Variants in TAMALIN observed in about 807,000 individuals in gnomAD.
TAMALIN encodes the protein protein TAMALIN.
In TAMALIN, 9 loss-of-function variants were observed where a neutral mutation model predicts 38.5. That is an observed-to-expected ratio of 0.23 (90% CI 0.14 to 0.41). TAMALIN has a LOEUF of 0.41. Among genes scored for constraint, TAMALIN ranks in the 10% least tolerant of loss-of-function variants. The pLI is 1.00. For missense variants in TAMALIN, 548 were observed against 554.1 expected, an observed-to-expected ratio of 0.99 and a Z score of 0.11; for synonymous variants, 306 against 256.5, an observed-to-expected ratio of 1.19 and a Z score of -1.85.
In TAMALIN at chr12:52,015,446, C is replaced by G; in HGVS notation, c.*247C>G. 1 of 471,212 alleles carries G rather than the reference C, an allele frequency of 2.1e-6. No individual in the cohort carries two copies. Among genetic ancestry groups the G allele is most frequent in the Non-Finnish European group, 3.8e-6 (1 of 264,200 alleles). The allele number at this position is 471,212 out of a possible 1,614,324, so 29.2% of individuals were successfully genotyped here. A position where few individuals can be genotyped will look rare whatever the true frequency, so the allele number is the denominator to read the frequency against. ...GGGGGAGAGCCAGGCAATCGGGGGCCAAAGATGGGGGTGCTCGCCTACAGT... is the reference window on the plus strand; with the variant it reads ...GGGGGAGAGCCAGGCAATCGGGGGCGAAAGATGGGGGTGCTCGCCTACAGT... On this transcript the variant is annotated 3_prime_UTR_variant, in exon 8 of 8. Transcript: ENST00000293662.
rs771771030 is a variant in TAMALIN, at chr12:52,014,698, G to C, written c.687G>C (p.Leu229=). The C allele has an allele frequency of 1.3e-6, 2 of 1,499,538 alleles. No individual in the cohort carries two copies. Among genetic ancestry groups the C allele is most frequent in the Non-Finnish European group, 8.8e-7 (1 of 1,138,542 alleles). The allele number at this position is 1,499,538 out of a possible 1,614,324, so 92.9% of individuals were successfully genotyped here. A position where few individuals can be genotyped will look rare whatever the true frequency, so the allele number is the denominator to read the frequency against. The change falls in exon 8 of 8, where the codon CTG becomes CTC. Residue 229 remains leucine, a synonymous_variant. Transcript: ENST00000293662. ...ACCTCTCCCGTCTCTGCGCAGGCCT[G>C]GTGGTGAAGGACCCCAGCATCTACG... ...MVQEQRLVHG[L]VVKDPSIYDT... is the part of the protein sequence containing the mutation.
chr12:52,011,365 T>C lies in TAMALIN; in HGVS notation c.454+224T>C. 1.5e-6 allele frequency: 1 copy of C among 681,962 alleles called. No homozygotes were observed. The allele number at this position is 681,962 out of a possible 1,614,324, so 42.2% of individuals were successfully genotyped here. The stretch of plus-strand genomic sequence containing the variant: ...TCTACAAAATGAGGGTAATAATGCA[T>C]CCAAACATCACAGTGCGGCAAGGGG... On this transcript the variant is annotated intron_variant, in intron 4 of 7. Transcript: ENST00000293662. This position sits in a 1 kb window ranked among gnomAD's most constrained non-coding sequence, Gnocchi z 5.3.
chr12:52,015,072 A>G lies in TAMALIN; in HGVS notation c.1061A>G (p.Glu354Gly). ...GGGAPGALWTEAREQALCGPG... is the reference protein window; with the variant it reads ...GGGAPGALWTGAREQALCGPG... ...GGCGCGCCGGGCGCGCTCTGGACTG[A>G]GGCTCGCGAGCAGGCCCTATGCGGC... is the stretch of plus-strand genomic sequence containing the variant. The change falls in exon 8 of 8, where the codon GAG becomes GGG. Residue 354 changes from glutamate to glycine, a missense_variant. By Grantham distance (98) the Glu-to-Gly change is moderately conservative. Transcript: ENST00000293662. 2 of 1,495,240 alleles carry G rather than the reference A, an allele frequency of 1.3e-6. No individual in the cohort carries two copies. The highest frequency in any genetic ancestry group is 8.8e-7 in the Non-Finnish European group (1 of 1,130,496). 92.6% of individuals were successfully genotyped at this position (1,495,240 alleles called of 1,614,324 possible).
rs1592274080 is a variant in TAMALIN at position 52,014,158 on chromosome 12, A to C, written c.639A>C (p.Gly213=). The C allele has an allele frequency of 6.2e-7, 1 of 1,604,726 alleles. No homozygotes were observed. The highest frequency in any genetic ancestry group is 2.2e-5 in the East Asian group (1 of 44,616). Residue 213 remains glycine, a synonymous_variant, in exon 7 of 8, where the codon GGA becomes GGC. Transcript: ENST00000293662. ...AGCAAACCCTGTATGAGAAGTGGGG[A>C]GAGTACAGGTCCCTAATGGTGCAGG... ...YLKQTLYEKW[G]EYRSLMVQEQ...
At position 52,011,194 on chromosome 12, in the gene TAMALIN, C is replaced by T. The variant is rs1168889819; in HGVS notation, c.454+53C>T. On this transcript the variant is annotated intron_variant, in intron 4 of 7. Transcript: ENST00000293662. This position sits in a 1 kb window ranked among gnomAD's most constrained non-coding sequence, Gnocchi z 5.3. ...TCTGGGAAGGGGATATGACCTTACT[C>T]CCAAGCAAAGGGGGTGAGCAATCTC... is the stretch of plus-strand genomic sequence containing the variant. 3.1e-6 allele frequency: 5 copies of T among 1,603,262 alleles called. No individual in the cohort carries two copies. Among genetic ancestry groups the T allele is most frequent in the Non-Finnish European group, 4.2e-6 (5 of 1,179,710 alleles).
intron 7 of TAMALIN, 94 bp from the exon 8 acceptor site, chr12:52,014,600 G>A: frequency 1.1e-6 from 1 of 943,674 alleles, no homozygotes; most frequent in Non-Finnish European, 1.5e-6. Flanking sequence ...CAGCAGGACG[G>A]AGCGGGGACG....
chr12:52,011,918 C>T lies in TAMALIN; in HGVS notation c.454+777C>T. On this transcript the variant is annotated intron_variant, in intron 4 of 7. Transcript: ENST00000293662. The surrounding 1 kb of genome is among the most constrained non-coding windows in gnomAD (Gnocchi z 5.3). ...CTTACCAGCAGCCCGTGCTAGCTAT[C>T]TTAGTCCATTTTCTGTTACCATAAC... 6.6e-6 allele frequency among the ~76,000 whole-genome samples: 1 copy of T among 152,184 alleles called. No homozygotes were observed. Among genetic ancestry groups the T allele is most frequent in the Non-Finnish European group, 1.5e-5 (1 of 68,042 alleles).
chr12:52,012,581 C>G (rs1462695227), intron 4 of TAMALIN, among the ~76,000 whole-genome samples: 1 of 152,212 alleles, frequency 6.6e-6, no homozygotes, highest in African/African-American at 2.4e-5. Context: ...GTCCTACCAT[C>G]TCTCAGCACT....
Position 52,007,239 on chromosome 12 carries a change from T to C in TAMALIN, c.220T>C (p.Ser74Pro). Residue 74 changes from serine (S) to proline (P), a missense_variant, in exon 1 of 8, where the codon TCC (serine) becomes CCC (proline). Physicochemically the swap from Ser to Pro is moderately conservative, Grantham distance 74. Coordinates refer to ENST00000293662, the MANE Select transcript of TAMALIN (RefSeq NM_181711.4). The surrounding 1 kb of genome is among the most constrained non-coding windows in gnomAD (Gnocchi z 6.7). ...CGAGCTGTACCGCGCGCTCGCCGTG[T>C]CCGGGGGCACCCTGCCCCGCCGAAA... ...PAELYRALAV[S>P]GGTLPRRKGS... 1 of 1,418,094 alleles carries C rather than the reference T, an allele frequency of 7.1e-7. No individual in the cohort carries two copies. Among genetic ancestry groups the C allele is most frequent in the Non-Finnish European group, 9.2e-7 (1 of 1,090,260 alleles). 87.8% of individuals were successfully genotyped at this position (1,418,094 alleles called of 1,614,324 possible). A position where few individuals can be genotyped will look rare whatever the true frequency, so the allele number is the denominator to read the frequency against.
At position 52,015,053 on chromosome 12, in the gene TAMALIN, C is replaced by G; in HGVS notation, c.1042C>G (p.Pro348Ala). 1 of 1,379,148 alleles carries G rather than the reference C, an allele frequency of 7.3e-7. No homozygotes were observed. The highest frequency in any genetic ancestry group is 9.3e-7 in the Non-Finnish European group (1 of 1,075,140). The allele number at this position is 1,379,148 out of a possible 1,614,324, so 85.4% of individuals were successfully genotyped here. The change falls in exon 8 of 8, where the codon CCG becomes GCG. Residue 348 changes from proline (P) to alanine (A), a missense_variant. By Grantham distance (27) the Pro-to-Ala change is conservative. Around this residue, in one of 3 missense-constraint regions of TAMALIN, gnomAD observed 415 missense variants for 417.0 expected, o/e 1.00. Coordinates refer to ENST00000293662, the MANE Select transcript of TAMALIN (RefSeq NM_181711.4). ...TGGCGGGGGCGGAGGCGGGGGCGCG[C>G]CGGGCGCGCTCTGGACTGAGGCTCG... ...GPGGGGGGGA[P>A]GALWTEAREQ...
chr12:52,007,860 C>T lies in TAMALIN; in HGVS notation c.246+595C>T, dbSNP rs563486471. On this transcript the variant is annotated intron_variant, in intron 1 of 7. Coordinates refer to ENST00000293662, the MANE Select transcript of TAMALIN (RefSeq NM_181711.4). This position sits in a 1 kb window ranked among gnomAD's most constrained non-coding sequence, Gnocchi z 6.7. ...TCCCTGGACTTCTGTCGGAACCGGA[C>T]GCAGTGGGAGGGGTCGCAGGGCGCC... is the stretch of plus-strand genomic sequence containing the variant. The T allele has an allele frequency of 2.0e-5, 20 of 985,294 alleles. No homozygotes were observed. The highest frequency in any genetic ancestry group is 2.2e-5 in the Non-Finnish European group (18 of 829,926). 61.0% of individuals were successfully genotyped at this position (985,294 alleles called of 1,614,324 possible).
chr12:52,011,422 A>C lies in TAMALIN; in HGVS notation c.454+281A>C. On this transcript the variant is annotated intron_variant, in intron 4 of 7. Coordinates refer to ENST00000293662, the MANE Select transcript of TAMALIN (RefSeq NM_181711.4). This position sits in a 1 kb window ranked among gnomAD's most constrained non-coding sequence, Gnocchi z 5.3. ...TGGGCACACTGCCAGGGCCTAATTA[A>C]TGGTGGATGATGCTGCTGCTGCTCT... is the stretch of plus-strand genomic sequence containing the variant. 1 of 589,148 alleles carries C rather than the reference A, an allele frequency of 1.7e-6. No individual in the cohort carries two copies. Among genetic ancestry groups the C allele is most frequent in the East Asian group, 2.8e-5 (1 of 35,422 alleles). 36.5% of individuals were successfully genotyped at this position (589,148 alleles called of 1,614,324 possible). A position where few individuals can be genotyped will look rare whatever the true frequency, so the allele number is the denominator to read the frequency against.
In TAMALIN at chr12:52,007,706, A is replaced by T. The variant is rs1942438023; in HGVS notation, c.246+441A>T. ...CGGTGGCTGCGCCGCGTGCGTTCTC[A>T]CTCTGAGGAAGTGCGTGGGGAGCCG... is the stretch of plus-strand genomic sequence containing the variant. On this transcript the variant is annotated intron_variant, in intron 1 of 7. Coordinates refer to ENST00000293662, the MANE Select transcript of TAMALIN (RefSeq NM_181711.4). The surrounding 1 kb of genome is among the most constrained non-coding windows in gnomAD (Gnocchi z 6.7). 2.0e-6 allele frequency: 2 copies of T among 984,276 alleles called. No homozygotes were observed. The highest frequency in any genetic ancestry group is 9.4e-5 in the South Asian group (2 of 21,228). 61.0% of individuals were successfully genotyped at this position (984,276 alleles called of 1,614,324 possible).
At chr12:52,013,827 G>A (rs1565631940) in intron 5 of TAMALIN, 47 bp downstream of exon 5, 5 of 1,612,622 alleles carry the variant, frequency 3.1e-6, no homozygotes, top group Non-Finnish European at 4.2e-6. Flanking sequence ...TCAGCCTCTT[G>A]GTATTTCCTC....
At chr12:52,009,356 T>A in intron 2 of TAMALIN, 117 bp downstream of exon 2, 1 of 971,770 alleles carries the variant, frequency 1.0e-6, no homozygotes, top group East Asian at 2.5e-5. Context: ...CCTTTAAACA[T>A]GGCTCCCCCG....
intron 7 of TAMALIN, 189 bp downstream of exon 7, chr12:52,014,390 A>G: frequency 1.6e-6 from 1 of 638,034 alleles, no homozygotes; most frequent in Non-Finnish European, 2.8e-6. Flanking sequence ...TTCTCACACT[A>G]GCCCTCTGCA....
intron 1 of TAMALIN, chr12:52,008,667 G>A (rs1942453094): frequency 1.0e-6 from 1 of 985,378 alleles, no homozygotes; most frequent in Non-Finnish European, 1.2e-6. Flanking sequence ...TCGGGACAGG[G>A]TCCCTGACCC....
In TAMALIN at chr12:52,015,451, A is replaced by C; in HGVS notation, c.*252A>C. The C allele has an allele frequency of 4.7e-5, 21 of 442,896 alleles. No homozygotes were observed. Among genetic ancestry groups the C allele is most frequent in the East Asian group, 1.4e-4 (3 of 21,206 alleles). The allele number at this position is 442,896 out of a possible 1,614,324, so 27.4% of individuals were successfully genotyped here. A position where few individuals can be genotyped will look rare whatever the true frequency, so the allele number is the denominator to read the frequency against. ...AGAGCCAGGCAATCGGGGGCCAAAGATGGGGGTGCTCGCCTACAGTCTGCA... is the reference window on the plus strand; with the variant it reads ...AGAGCCAGGCAATCGGGGGCCAAAGCTGGGGGTGCTCGCCTACAGTCTGCA... On this transcript the variant is annotated 3_prime_UTR_variant, in exon 8 of 8. Coordinates refer to ENST00000293662, the MANE Select transcript of TAMALIN (RefSeq NM_181711.4).
Position 52,014,909 on chromosome 12 carries a change from C to T in TAMALIN, c.898C>T (p.Pro300Ser), listed in dbSNP as rs1937758697. 8.9e-7 allele frequency: 1 copy of T among 1,123,122 alleles called. No individual in the cohort carries two copies. Among genetic ancestry groups the T allele is most frequent in the East Asian group, 6.4e-5 (1 of 15,576 alleles). 69.6% of individuals were successfully genotyped at this position (1,123,122 alleles called of 1,614,324 possible). The change falls in exon 8 of 8, where the codon CCC (proline) becomes TCC (serine). Residue 300 changes from proline to serine, a missense_variant. This residue lies in a region of TAMALIN where 415 missense variants were observed against 417.0 expected (regional missense o/e 1.00). Coordinates refer to ENST00000293662, the MANE Select transcript of TAMALIN (RefSeq NM_181711.4). ...FGDSEPPALPPPPPPARAFGP... is the reference protein window; with the variant it reads ...FGDSEPPALPSPPPPARAFGP... ...GGACTCCGAGCCGCCGGCGCTGCCG[C>T]CCCCGCCGCCCCCGGCCCGCGCCTT...
Sources: allele counts gnomAD v4.1 joint callset (sites outside exome capture counted in the v4.1 genomes callset), GRCh38; gene constraint gnomAD v4.1.1; regional missense constraint gnomAD v4.1.1; non-coding constraint Gnocchi (gnomAD v3.1); transcripts MANE v1.5; gene names NCBI Gene and HGNC (gene_info 2026-07-23, HGNC 2026-07-21).